The following NBEA variants were observed in gnomAD, a reference collection of about 807,000 sequenced individuals.
NBEA encodes the protein lysosomal-trafficking regulator 2.
NBEA carries 44 observed loss-of-function variants against 343.4 expected under a neutral mutation model. The ratio of observed to expected loss-of-function variants is 0.13; its 90% CI spans 0.10 to 0.16. The LOEUF (loss-of-function observed/expected upper bound fraction) is 0.16, where lower values mean the gene tolerates loss of function less well. Ranked by LOEUF, NBEA falls within the 10% of genes least tolerant of loss-of-function variation. The probability of loss-of-function intolerance (pLI) is 1.00; values close to 1 mark genes in which losing one functional copy is unlikely to be tolerated. For missense variants in NBEA, 2,555 were observed against 3,631.3 expected (o/e 0.70, Z 7.62); for synonymous variants, 1,175 against 1,238.7 (o/e 0.95, Z 1.08).
At chr13:35,426,115 T>C (rs1222232041) in intron 38 of NBEA, among the ~76,000 whole-genome samples, 1 of 152,214 alleles carries the variant, frequency 6.6e-6, no homozygotes, top group Non-Finnish European at 1.5e-5. Context: ...TGCCAGTCTG[T>C]TTCTTTTAAT....
At chr13:35,449,685 A>G (rs939608428) in intron 39 of NBEA, among the ~76,000 whole-genome samples, 3 of 152,142 alleles carry the variant, frequency 2.0e-5, no homozygotes, top group Non-Finnish European at 2.9e-5. Flanking sequence ...CAAAAATCAA[A>G]TAGAATTAAG....
chr13:35,475,564 A>G (rs2075828844), intron 41 of NBEA: 1 of 1,612,996 alleles, frequency 6.2e-7, no homozygotes. Flanking sequence ...CGGCCAGGGG[A>G]TGTGGGGAAG....
intron 1 of NBEA, among the ~76,000 whole-genome samples, chr13:34,996,728 C>T (rs1288347055): frequency 6.6e-6 from 1 of 151,636 alleles, no homozygotes; most frequent in African/African-American, 2.4e-5. Context: ...TGTACATTAC[C>T]AGATTTTGTT....
At chr13:35,150,850 T>A (rs2068736274) in intron 18 of NBEA, among the ~76,000 whole-genome samples, 1 of 131,138 alleles carries the variant, frequency 7.6e-6, no homozygotes, top group Non-Finnish European at 1.6e-5. Flanking sequence ...GCACAGTGAC[T>A]CATGCATGTA....
intron 48 of NBEA, among the ~76,000 whole-genome samples, chr13:35,617,062 C>T (rs868355638): frequency 1.3e-5 from 2 of 152,164 alleles, no homozygotes; most frequent in African/African-American, 4.8e-5. Context: ...AGTTTTACAA[C>T]TAATATATGA....
intron 1 of NBEA, among the ~76,000 whole-genome samples, chr13:34,951,166 AC>A: frequency 6.6e-6 from 1 of 150,602 alleles, no homozygotes; most frequent in Non-Finnish European, 1.5e-5. Flanking sequence ...ATACCTGTGG[AC>A]AGGTATGAAA....
At chr13:35,425,958 C>A (rs897634009) in intron 38 of NBEA, among the ~76,000 whole-genome samples, 1 of 152,036 alleles carries the variant, frequency 6.6e-6, no homozygotes, top group African/African-American at 2.4e-5. Flanking sequence ...TATCAGAGAC[C>A]AGGATTGCAA....
At chr13:35,589,297 G>A (rs2081421350) in intron 46 of NBEA, among the ~76,000 whole-genome samples, 1 of 152,056 alleles carries the variant, frequency 6.6e-6, no homozygotes, top group African/African-American at 2.4e-5. Context: ...GTTAGAATGT[G>A]ACCTTGAATT....
chr13:35,468,864 C>G (rs1191190159), intron 40 of NBEA, among the ~76,000 whole-genome samples: 2 of 152,006 alleles, frequency 1.3e-5, no homozygotes, highest in Non-Finnish European at 2.9e-5. Flanking sequence ...TTTGGGATGC[C>G]AAGCCAGGTG....
intron 30 of NBEA, among the ~76,000 whole-genome samples, chr13:35,195,344 T>G (rs1339861939): frequency 6.6e-6 from 1 of 152,106 alleles, no homozygotes; most frequent in African/African-American, 2.4e-5. Context: ...GCAAGAGGAT[T>G]ATTTTGATGC....
intron 1 of NBEA, among the ~76,000 whole-genome samples, chr13:34,999,351 A>T (rs926970008): frequency 1.3e-5 from 2 of 152,052 alleles, no homozygotes; most frequent in Non-Finnish European, 2.9e-5. Flanking sequence ...CCTTTTCAAT[A>T]AAAAAATTTT....
chr13:35,439,342 A>G (rs574425869), intron 39 of NBEA, among the ~76,000 whole-genome samples: 6 of 152,354 alleles, frequency 3.9e-5, no homozygotes, highest in Non-Finnish European at 8.8e-5. Flanking sequence ...AGGGAGAGAC[A>G]GTGACTTACT....
At chr13:35,277,749 T>C (rs1406076247) in intron 34 of NBEA, among the ~76,000 whole-genome samples, 2 of 151,082 alleles carry the variant, frequency 1.3e-5, no homozygotes, top group African/African-American at 4.9e-5. Flanking sequence ...ACCTAGATTC[T>C]AGTCATTCTT....
chr13:35,174,278 C>G (rs2070702563), intron 27 of NBEA, among the ~76,000 whole-genome samples: 1 of 152,072 alleles, frequency 6.6e-6, no homozygotes, highest in Non-Finnish European at 1.5e-5. Context: ...ATCTATGTAA[C>G]TACTAGGTTA....
At chr13:35,394,404 A>G (rs1183950772) in intron 38 of NBEA, among the ~76,000 whole-genome samples, 3 of 152,096 alleles carry the variant, frequency 2.0e-5, no homozygotes, top group African/African-American at 7.2e-5. Flanking sequence ...TCAAGTATAT[A>G]TGTGATCATT....
At chr13:35,097,118 T>A (rs1478079208) in intron 10 of NBEA, among the ~76,000 whole-genome samples, 1 of 151,966 alleles carries the variant, frequency 6.6e-6, no homozygotes, top group Non-Finnish European at 1.5e-5. Flanking sequence ...ATAATTTTGC[T>A]GTTGGTTCTT....
intron 10 of NBEA, among the ~76,000 whole-genome samples, chr13:35,074,936 T>G (rs1330694180): frequency 6.6e-6 from 1 of 152,162 alleles, no homozygotes. Context: ...TGGTACTTTA[T>G]TTACTCTAAC....
At chr13:35,533,588 TC>T (rs1283330260) in intron 41 of NBEA, among the ~76,000 whole-genome samples, 3 of 152,154 alleles carry the variant, frequency 2.0e-5, no homozygotes, top group Non-Finnish European at 1.5e-5. Flanking sequence ...ATTTTTCTGC[TC>T]TAGCATAGAT....
At chr13:35,032,294 A>C (rs1224979652) in intron 1 of NBEA, among the ~76,000 whole-genome samples, 1 of 151,744 alleles carries the variant, frequency 6.6e-6, no homozygotes, top group Non-Finnish European at 1.5e-5. Flanking sequence ...CCCTTTCTTT[A>C]CAACTTCACC....
Sources: gnomAD v4.1 joint callset for allele counts (sites outside exome capture counted in the v4.1 genomes callset) on GRCh38, gnomAD v4.1.1 for gene constraint, MANE v1.5 for transcripts, NCBI Gene and HGNC (gene_info 2026-07-23, HGNC 2026-07-21) for gene names.